The following STXBP6 variants were observed in gnomAD, a reference collection of about 807,000 sequenced individuals.
STXBP6 encodes syntaxin binding protein 6.
Under a neutral mutation model 26.9 loss-of-function variants are expected in STXBP6, and 21 were observed. The observed-to-expected ratio is 0.78, with a 90% CI of 0.55 to 1.12. The LOEUF (loss-of-function observed/expected upper bound fraction) is 1.12. Ranked by LOEUF, STXBP6 falls within the 50% of genes most tolerant of loss-of-function variation. STXBP6 has a pLI of 0.00. For synonymous variants in STXBP6, 97 were observed against 92.6 expected (o/e 1.05, Z -0.27); for missense variants, 232 against 257.9 (o/e 0.90, Z 0.69).
At chr14:24,856,138 T>C (rs375341513) in intron 3 of STXBP6, 37 bp from the exon 4 acceptor site, 8 of 1,533,896 alleles carry the variant, frequency 5.2e-6, no homozygotes, top group East Asian at 2.3e-5. Context: ...AATCTCAATC[T>C]ATAAAAACTG....
chr14:24,949,762 C>A (rs923692388), intron 2 of STXBP6, among the ~76,000 whole-genome samples: 1 of 152,082 alleles, frequency 6.6e-6, no homozygotes, highest in Non-Finnish European at 1.5e-5. Context: ...TGTAACATAA[C>A]TGGATATGTA....
intron 2 of STXBP6, among the ~76,000 whole-genome samples, chr14:24,890,151 G>A (rs1325337215): frequency 6.6e-6 from 1 of 152,236 alleles, no homozygotes; most frequent in African/African-American, 2.4e-5. Context: ...CACAGAGCTA[G>A]TGCCCAAACA....
intron 4 of STXBP6, among the ~76,000 whole-genome samples, chr14:24,851,231 C>G (rs1388566597): frequency 9.7e-6 from 1 of 102,620 alleles, no homozygotes; most frequent in East Asian, 3.1e-4. Context: ...TTGAGGCAGA[C>G]CACGTCTCTT....
chr14:25,029,875 C>G (rs1391081332), intron 1 of STXBP6, among the ~76,000 whole-genome samples: 1 of 152,060 alleles, frequency 6.6e-6, no homozygotes, highest in Non-Finnish European at 1.5e-5. Context: ...AATTCTGCCT[C>G]AGAACCTTTA....
At chr14:25,033,584 C>A (rs562779883) in intron 1 of STXBP6, among the ~76,000 whole-genome samples, 6 of 152,252 alleles carry the variant, frequency 3.9e-5, no homozygotes, top group Admixed American at 3.9e-4. Flanking sequence ...TACCTCAGGG[C>A]CTTTGCACAT....
chr14:24,878,730 A>G, intron 2 of STXBP6: 1 of 432,504 alleles, frequency 2.3e-6, no homozygotes, highest in Non-Finnish European at 4.7e-6. Context: ...GGGATGTTCA[A>G]CCATAACACA....
At chr14:25,041,181 C>T (rs2075636703) in intron 1 of STXBP6, among the ~76,000 whole-genome samples, 1 of 151,852 alleles carries the variant, frequency 6.6e-6, no homozygotes, top group African/African-American at 2.4e-5. Context: ...AATTAGTGGG[C>T]AGTGGTGGTG....
At chr14:24,910,259 C>A (rs1336087869) in intron 2 of STXBP6, among the ~76,000 whole-genome samples, 1 of 135,816 alleles carries the variant, frequency 7.4e-6, no homozygotes, top group Admixed American at 7.2e-5. Flanking sequence ...ACCCTGCCCC[C>A]AATCTACACT....
At chr14:25,028,727 G>T (rs183659028) in intron 1 of STXBP6, among the ~76,000 whole-genome samples, 32 of 152,210 alleles carry the variant, frequency 2.1e-4, no homozygotes, top group Admixed American at 2.1e-3. Flanking sequence ...TTCCTCCGAT[G>T]TATCTGGTCA....
chr14:24,977,969 T>C (rs945125398), intron 1 of STXBP6, among the ~76,000 whole-genome samples: 2 of 152,234 alleles, frequency 1.3e-5, no homozygotes, highest in Admixed American at 1.3e-4. Flanking sequence ...AGATTCATTC[T>C]ATGTGAAATT....
At chr14:24,922,479 C>A (rs2072016902) in intron 2 of STXBP6, among the ~76,000 whole-genome samples, 1 of 152,092 alleles carries the variant, frequency 6.6e-6, no homozygotes, top group Non-Finnish European at 1.5e-5. Context: ...CTTCCTCTTG[C>A]CACAGCCAGG....
chr14:25,027,697 C>T (rs1270895692), intron 1 of STXBP6, among the ~76,000 whole-genome samples: 2 of 152,206 alleles, frequency 1.3e-5, no homozygotes, highest in Non-Finnish European at 1.5e-5. Context: ...AACGATTACG[C>T]TTAGTGAAGA....
chr14:24,811,605 A>G lies in STXBP6; in HGVS notation c.*1104T>C, dbSNP rs550896125. On this transcript the variant is annotated 3_prime_UTR_variant, in exon 6 of 6. Coordinates refer to ENST00000323944, the MANE Select transcript of STXBP6 (RefSeq NM_001394410.1). ...GTTTGTGATTGTGGTGTTTTATATC[A>G]GACCAGGCAAGGTGCAATTGCCATG... The G allele has an allele frequency of 6.6e-6, 1 of 152,322 alleles. No homozygotes were observed. The highest frequency in any genetic ancestry group is 2.1e-4 in the South Asian group (1 of 4,828). The allele number at this position is 152,322 out of a possible 1,614,324, so 9.4% of individuals were successfully genotyped here.
At chr14:24,830,884 T>G (rs2068437648) in intron 4 of STXBP6, among the ~76,000 whole-genome samples, 1 of 152,158 alleles carries the variant, frequency 6.6e-6, no homozygotes, top group African/African-American at 2.4e-5. Flanking sequence ...CAAGGTGAAT[T>G]TGGCACAATG....
At chr14:24,978,788 T>C (rs1437870125) in intron 1 of STXBP6, among the ~76,000 whole-genome samples, 1 of 152,216 alleles carries the variant, frequency 6.6e-6, no homozygotes, top group Non-Finnish European at 1.5e-5. Flanking sequence ...ATGGCTACTG[T>C]AGTGTGATGC....
intron 1 of STXBP6, among the ~76,000 whole-genome samples, chr14:24,999,282 A>G (rs1240781607): frequency 1.3e-5 from 2 of 152,224 alleles, no homozygotes; most frequent in South Asian, 2.1e-4. Flanking sequence ...GTGAAAATCT[A>G]TAAAGAAGCC....
At chr14:24,883,888 C>T (rs927259423) in intron 2 of STXBP6, among the ~76,000 whole-genome samples, 1 of 152,086 alleles carries the variant, frequency 6.6e-6, no homozygotes, top group African/African-American at 2.4e-5. Context: ...TGGAAGTTTC[C>T]TACAACACAA....
At chr14:24,919,891 TAA>T (rs1302787832) in intron 2 of STXBP6, among the ~76,000 whole-genome samples, 1 of 151,950 alleles carries the variant, frequency 6.6e-6, no homozygotes, top group Non-Finnish European at 1.5e-5. Flanking sequence ...AAGCTTATAA[TAA>T]AGAGAGAAAC....
chr14:25,046,761 G>C (rs184745383), intron 1 of STXBP6, among the ~76,000 whole-genome samples: 8 of 152,310 alleles, frequency 5.3e-5, no homozygotes, highest in Middle Eastern at 3.4e-3. Flanking sequence ...CACAGCACAG[G>C]ACTATGGCGT....
Sources: allele counts gnomAD v4.1 joint callset (sites outside exome capture counted in the v4.1 genomes callset), GRCh38; gene constraint gnomAD v4.1.1; transcripts MANE v1.5; gene names NCBI Gene and HGNC (gene_info 2026-07-23, HGNC 2026-07-21).